KCTD10: variants seen among roughly 807,000 people sequenced by gnomAD.
KCTD10 encodes potassium channel tetramerization domain containing 10, also known as BTB/POZ domain-containing adapter for CUL3-mediated RhoA degradation protein 3.
KCTD10 carries 13 observed loss-of-function variants against 34.6 expected under a neutral mutation model. The observed-to-expected ratio is 0.38, with a 90% CI of 0.24 to 0.60. The LOEUF is 0.60. KCTD10 is among the 20% of genes least tolerant of loss of function. The pLI, the probability that KCTD10 is intolerant of heterozygous loss-of-function variation, is 0.66. For synonymous variants in KCTD10, 156 were observed against 168.8 expected (o/e 0.92, Z 0.59); for missense variants, 256 against 420.3 (o/e 0.61, Z 3.42).
At chr12:109,467,374 T>C (rs6606724) in intron 2 of KCTD10, among the ~76,000 whole-genome samples, 25,804 of 152,166 alleles carry the variant, frequency 0.17, 2,247 homozygotes, top group African/African-American at 0.18. Flanking sequence ...AATCCCAGCA[T>C]TTTGGGAGGC....
intron 2 of KCTD10, among the ~76,000 whole-genome samples, chr12:109,461,129 T>G (rs1232982662): frequency 6.6e-6 from 1 of 152,248 alleles, no homozygotes; most frequent in Non-Finnish European, 1.5e-5. Context: ...AGGGGCCTCG[T>G]GTACCACACC....
At position 109,458,019 on chromosome 12, in the gene KCTD10, T is replaced by C. The variant is rs1251500760; in HGVS notation, c.447A>G (p.Glu149=). Residue 149 remains glutamate (E), a synonymous_variant, in exon 4 of 7, where the codon GAA becomes GAG. Coordinates refer to ENST00000228495, the MANE Select transcript of KCTD10 (RefSeq NM_031954.5). ...KVPVITSSKE[E]QKLIATSNKP... is the part of the protein sequence containing the mutation. ...TATTTGAAGTCGCTATAAGTTTTTG[T>C]TCTTCCTTGGATGAGGTGATCACAG... 1 of 1,614,176 alleles carries C rather than the reference T, an allele frequency of 6.2e-7. No homozygotes were observed. The highest frequency in any genetic ancestry group is 2.2e-5 in the East Asian group (1 of 44,884).
chr12:109,462,951 A>G (rs1054745416), intron 2 of KCTD10, among the ~76,000 whole-genome samples: 1 of 152,108 alleles, frequency 6.6e-6, no homozygotes, highest in Non-Finnish European at 1.5e-5. Context: ...GCAGGGAAAG[A>G]CCGTATTATC....
chr12:109,449,631 C>T lies in KCTD10; in HGVS notation c.*1964G>A, dbSNP rs143893351. ...ATCCCAGCTACTCGGGAGGCTGAGG[C>T]AGCAGAATCGCTTGAACCCAGGAGG... On this transcript the variant is annotated 3_prime_UTR_variant, in exon 7 of 7. Transcript: ENST00000228495. The T allele has an allele frequency of 0.053, 8,114 of 152,258 alleles. 300 individuals carry two copies. Among genetic ancestry groups the T allele is most frequent in the Non-Finnish European group, 0.082 (5,594 of 68,050 alleles). The allele number at this position is 152,258 out of a possible 1,614,324, so 9.4% of individuals were successfully genotyped here. A position where few individuals can be genotyped will look rare whatever the true frequency, so the allele number is the denominator to read the frequency against.
Position 109,451,458 on chromosome 12 carries a change from T to C in KCTD10, c.*137A>G, listed in dbSNP as rs1312060784. 2 of 828,210 alleles carry C rather than the reference T, an allele frequency of 2.4e-6. No homozygotes were observed. The highest frequency in any genetic ancestry group is 3.7e-6 in the Non-Finnish European group (2 of 543,826). The allele number at this position is 828,210 out of a possible 1,614,324, so 51.3% of individuals were successfully genotyped here. ...TTTGCCTTGTCAAGCAATACCAAAA[T>C]AATCATCTGGCTTGTTACAAAAGTA... On this transcript the variant is annotated 3_prime_UTR_variant, in exon 7 of 7. Coordinates refer to ENST00000228495, the MANE Select transcript of KCTD10 (RefSeq NM_031954.5). This position sits in a 1 kb window ranked among gnomAD's most constrained non-coding sequence, Gnocchi z 5.0.
At position 109,450,863 on chromosome 12, in the gene KCTD10, CAT is replaced by C. The variant is rs1872736514; in HGVS notation, c.*730_*731del. 1.3e-5 allele frequency: 2 copies of C among 153,208 alleles called. No individual in the cohort carries two copies. Among genetic ancestry groups the C allele is most frequent in the South Asian group, 4.1e-4 (2 of 4,848 alleles). 9.5% of individuals were successfully genotyped at this position (153,208 alleles called of 1,614,324 possible). A position where few individuals can be genotyped will look rare whatever the true frequency, so the allele number is the denominator to read the frequency against. On this transcript the variant is annotated 3_prime_UTR_variant, in exon 7 of 7. Coordinates refer to ENST00000228495, the MANE Select transcript of KCTD10 (RefSeq NM_031954.5). ...ATGGAAAGTTCTGCTCCTACGCAGACATATGGGGTCCCAGTGAGCACCAGGCC... is the reference window on the plus strand; with the variant it reads ...ATGGAAAGTTCTGCTCCTACGCAGACATGGGGTCCCAGTGAGCACCAGGCC...
chr12:109,451,531 A>T lies in KCTD10; in HGVS notation c.*64T>A. On this transcript the variant is annotated 3_prime_UTR_variant, in exon 7 of 7. Transcript: ENST00000228495. This position sits in a 1 kb window ranked among gnomAD's most constrained non-coding sequence, Gnocchi z 5.0. Reference sequence around the variant, plus strand: ...GAAGGGGCCCGGCAGCCTGCACAGGATCTGGGTGTAGCACGGCAGGGAGTG... The same window carrying T: ...GAAGGGGCCCGGCAGCCTGCACAGGTTCTGGGTGTAGCACGGCAGGGAGTG... The T allele has an allele frequency of 6.7e-7, 1 of 1,484,112 alleles. No homozygotes were observed. The highest frequency in any genetic ancestry group is 9.2e-7 in the Non-Finnish European group (1 of 1,090,572). 91.9% of individuals were successfully genotyped at this position (1,484,112 alleles called of 1,614,324 possible). A position where few individuals can be genotyped will look rare whatever the true frequency, so the allele number is the denominator to read the frequency against.
chr12:109,467,760 T>C (rs1873662191), intron 2 of KCTD10, among the ~76,000 whole-genome samples: 1 of 151,322 alleles, frequency 6.6e-6, no homozygotes, highest in Non-Finnish European at 1.5e-5. Context: ...CCCGAGAACC[T>C]GTGTTTTCCA....
chr12:109,467,336 T>A (rs1343441449), intron 2 of KCTD10, among the ~76,000 whole-genome samples: 1 of 152,198 alleles, frequency 6.6e-6, no homozygotes, highest in African/African-American at 2.4e-5. Context: ...ACAATACCCA[T>A]CGGCTGTGCG....
chr12:109,449,578 G>A lies in KCTD10; in HGVS notation c.*2017C>T, dbSNP rs1221863675. 6.6e-6 allele frequency: 1 copy of A among 152,110 alleles called. No individual in the cohort carries two copies. The highest frequency in any genetic ancestry group is 1.5e-5 in the Non-Finnish European group (1 of 68,052). 9.4% of individuals were successfully genotyped at this position (152,110 alleles called of 1,614,324 possible). ...CATCTCTACTAAAAATACAAAATTA[G>A]CTGGGCATGGGCTGATGGGTACCTG... On this transcript the variant is annotated 3_prime_UTR_variant, in exon 7 of 7. Coordinates refer to ENST00000228495, the MANE Select transcript of KCTD10 (RefSeq NM_031954.5).
rs1873282173 is a variant in KCTD10, at chr12:109,460,795, G to A, written c.228C>T (p.Leu76=). 1 of 1,614,090 alleles carries A rather than the reference G, an allele frequency of 6.2e-7. No individual in the cohort carries two copies. The highest frequency in any genetic ancestry group is 1.3e-5 in the African/African-American group (1 of 75,076). Residue 76 remains leucine (L), a synonymous_variant, in exon 3 of 7, where the codon CTC becomes CTT. Coordinates refer to ENST00000228495, the MANE Select transcript of KCTD10 (RefSeq NM_031954.5). The surrounding 1 kb of genome is among the most constrained non-coding windows in gnomAD (Gnocchi z 4.5). ...CAAAGTGCTTCCCACAGCGGTCAATGAGGATCCAGCCTGCAGAGGGAGGAG... is the reference window on the plus strand; with the variant it reads ...CAAAGTGCTTCCCACAGCGGTCAATAAGGATCCAGCCTGCAGAGGGAGGAG... ...EVLTDSEGWI[L]IDRCGKHFGT...
At position 109,470,759 on chromosome 12, in the gene KCTD10, T is replaced by C. The variant is rs531916082; in HGVS notation, c.4-1031A>G. ...CGGACACAGACAAAAACATAAACAT[T>C]ATCCAAAATACAAAAATGACCAAAG... is the stretch of plus-strand genomic sequence containing the variant. On this transcript the variant is annotated intron_variant, in intron 1 of 6. Coordinates refer to ENST00000228495, the MANE Select transcript of KCTD10 (RefSeq NM_031954.5). The C allele has an allele frequency of 4.0e-5, 9 of 225,828 alleles. No individual in the cohort carries two copies. The South Asian group carries it at 1.3e-3, about 32-fold the overall frequency. The allele number at this position is 225,828 out of a possible 1,614,324, so 14.0% of individuals were successfully genotyped here. A position where few individuals can be genotyped will look rare whatever the true frequency, so the allele number is the denominator to read the frequency against.
chr12:109,476,126 C>T (rs1874221825), intron 1 of KCTD10, among the ~76,000 whole-genome samples: 1 of 152,186 alleles, frequency 6.6e-6, no homozygotes, highest in Admixed American at 6.5e-5. Flanking sequence ...TAGATGGGCT[C>T]CACCCCAAGA....
intron 1 of KCTD10, among the ~76,000 whole-genome samples, chr12:109,476,383 G>GACAA (rs1470087480): frequency 6.6e-6 from 1 of 152,150 alleles, no homozygotes; most frequent in Non-Finnish European, 1.5e-5. Flanking sequence ...CCAGGGACGT[G>GACAA]ACAAACAAGC....
At chr12:109,476,160 C>A (rs897012858) in intron 1 of KCTD10, among the ~76,000 whole-genome samples, 3 of 152,216 alleles carry the variant, frequency 2.0e-5, no homozygotes, top group Non-Finnish European at 4.4e-5. Context: ...TAGTCTCTGA[C>A]AGGGCTTGAA....
rs766033805 is a variant in KCTD10 at position 109,469,359 on chromosome 12, C to T, written c.217+156G>A. On this transcript the variant is annotated intron_variant, in intron 2 of 6. Transcript: ENST00000228495. ...TGAGGAAGTGACTTTCTCAAAGTAA[C>T]ATAGCAAATCAACGACCAAGTCAAG... is the stretch of plus-strand genomic sequence containing the variant. 51 of 803,830 alleles carry T rather than the reference C, an allele frequency of 6.3e-5. No homozygotes were observed. In the Middle Eastern group the frequency reaches 1.5e-3, roughly 24 times the overall value. The allele number at this position is 803,830 out of a possible 1,614,324, so 49.8% of individuals were successfully genotyped here.
chr12:109,461,961 C>T (rs1479026584), intron 2 of KCTD10, among the ~76,000 whole-genome samples: 1 of 150,424 alleles, frequency 6.6e-6, no homozygotes, highest in Admixed American at 6.6e-5. Context: ...AACATTTCCA[C>T]TCCTAACAAC....
rs1352703018 is a variant in KCTD10 at position 109,451,266 on chromosome 12, A to C, written c.*329T>G. On this transcript the variant is annotated 3_prime_UTR_variant, in exon 7 of 7. Coordinates refer to ENST00000228495, the MANE Select transcript of KCTD10 (RefSeq NM_031954.5). This position sits in a 1 kb window ranked among gnomAD's most constrained non-coding sequence, Gnocchi z 5.0. ...TAGGAAGTCGACACCCACAAAAATAAATATTGCAAACAAAAGTTCTCACAT... is the reference window on the plus strand; with the variant it reads ...TAGGAAGTCGACACCCACAAAAATACATATTGCAAACAAAAGTTCTCACAT... 1 of 254,948 alleles carries C rather than the reference A, an allele frequency of 3.9e-6. No individual in the cohort carries two copies. The highest frequency in any genetic ancestry group is 7.4e-6 in the Non-Finnish European group (1 of 135,684). 15.8% of individuals were successfully genotyped at this position (254,948 alleles called of 1,614,324 possible). A position where few individuals can be genotyped will look rare whatever the true frequency, so the allele number is the denominator to read the frequency against.
At chr12:109,469,185 C>A in intron 2 of KCTD10, 2 of 302,074 alleles carry the variant, frequency 6.6e-6, no homozygotes, top group South Asian at 4.6e-5. Context: ...TAATGGGGAG[C>A]TGAGACTGAA....
Sources: gnomAD v4.1 joint callset for allele counts (sites outside exome capture counted in the v4.1 genomes callset) on GRCh38, gnomAD v4.1.1 for gene constraint, Gnocchi (gnomAD v3.1) non-coding constraint, MANE v1.5 for transcripts, NCBI Gene and HGNC (gene_info 2026-07-23, HGNC 2026-07-21) for gene names.